Variants in LRMDA observed in about 807,000 individuals in gnomAD.
The protein encoded by LRMDA is leucine rich melanocyte differentiation associated.
In LRMDA, 18 loss-of-function variants were observed where a neutral mutation model predicts 29.8. The observed-to-expected ratio is 0.60, with a 90% CI of 0.42 to 0.90. The LOEUF (loss-of-function observed/expected upper bound fraction) is 0.90, where lower values mean the gene tolerates loss of function less well. Among genes scored for constraint, LRMDA ranks in the 40% least tolerant of loss-of-function variants. The pLI, the probability that LRMDA is intolerant of heterozygous loss-of-function variation, is 0.00. For missense variants in LRMDA, 273 were observed against 273.9 expected (o/e 1.00, Z 0.02); for synonymous variants, 125 against 109.4 (o/e 1.14, Z -0.89).
intron 5 of LRMDA, among the ~76,000 whole-genome samples, chr10:76,130,995 G>T (rs1849982640): frequency 6.6e-6 from 1 of 152,178 alleles, no homozygotes; most frequent in South Asian, 2.1e-4. Context: ...TGCAAGTGGA[G>T]TAATCTTCCA....
At chr10:75,966,303 T>C (rs967579431) in intron 2 of LRMDA, among the ~76,000 whole-genome samples, 5 of 152,224 alleles carry the variant, frequency 3.3e-5, no homozygotes, top group African/African-American at 1.2e-4. Context: ...TTAGGCAGGT[T>C]TCTTCATGAC....
At chr10:76,350,559 T>C (rs956362550) in intron 6 of LRMDA, among the ~76,000 whole-genome samples, 17 of 151,846 alleles carry the variant, frequency 1.1e-4, no homozygotes, top group African/African-American at 4.1e-4. Context: ...ATGGATAGCA[T>C]AGAAGAGGGA....
At chr10:75,766,504 G>C (rs766631907) in intron 2 of LRMDA, among the ~76,000 whole-genome samples, 3 of 152,242 alleles carry the variant, frequency 2.0e-5, no homozygotes, top group Non-Finnish European at 4.4e-5. Flanking sequence ...GCAATGAGAG[G>C]GATGTTTTTC....
chr10:76,049,699 T>C (rs922161472), intron 4 of LRMDA, among the ~76,000 whole-genome samples: 52 of 152,332 alleles, frequency 3.4e-4, no homozygotes, highest in African/African-American at 1.2e-3. Context: ...AATATGACTT[T>C]TGATTCTGGA....
intron 6 of LRMDA, among the ~76,000 whole-genome samples, chr10:76,410,382 C>T (rs780967496): frequency 3.0e-5 from 4 of 135,088 alleles, no homozygotes; most frequent in South Asian, 2.3e-4. Flanking sequence ...AACCATGGCT[C>T]GCTGCAGTAT....
At chr10:76,091,681 C>T (rs1328541067) in intron 5 of LRMDA, among the ~76,000 whole-genome samples, 2 of 151,986 alleles carry the variant, frequency 1.3e-5, no homozygotes, top group Non-Finnish European at 2.9e-5. Context: ...CTCCCTTCAT[C>T]CCCAAACTCC....
intron 2 of LRMDA, among the ~76,000 whole-genome samples, chr10:75,452,924 A>T (rs1844476660): frequency 6.6e-6 from 1 of 152,218 alleles, no homozygotes; most frequent in African/African-American, 2.4e-5. Context: ...TATACAAGAA[A>T]GCATTTAAAT....
At chr10:75,915,541 C>G (rs887144205) in intron 2 of LRMDA, among the ~76,000 whole-genome samples, 1 of 152,158 alleles carries the variant, frequency 6.6e-6, no homozygotes, top group Non-Finnish European at 1.5e-5. Flanking sequence ...AGTCTGGCCT[C>G]GTGTCTAACC....
At chr10:75,558,876 G>A (rs1177917060) in intron 2 of LRMDA, among the ~76,000 whole-genome samples, 2 of 131,304 alleles carry the variant, frequency 1.5e-5, no homozygotes, top group Non-Finnish European at 3.3e-5. Flanking sequence ...ATTTTTTATG[G>A]CTGCATAGTA....
intron 6 of LRMDA, among the ~76,000 whole-genome samples, chr10:76,371,306 G>A (rs1488682612): frequency 6.6e-6 from 1 of 152,154 alleles, no homozygotes; most frequent in Non-Finnish European, 1.5e-5. Context: ...TTGCAGTGGG[G>A]TTTTGGGTCA....
At chr10:76,322,111 C>T (rs1396603084) in intron 5 of LRMDA, among the ~76,000 whole-genome samples, 3 of 152,202 alleles carry the variant, frequency 2.0e-5, no homozygotes, top group African/African-American at 2.4e-5. Context: ...ACTCAATATA[C>T]GATGGGTGTA....
chr10:76,512,071 G>A (rs763200124), intron 6 of LRMDA, among the ~76,000 whole-genome samples: 4 of 152,022 alleles, frequency 2.6e-5, no homozygotes, highest in African/African-American at 9.7e-5. Flanking sequence ...GGATAGTTTC[G>A]CCCATACTGT....
At position 75,627,971 on chromosome 10, in the gene LRMDA, C is replaced by G. The variant is rs188636687; in HGVS notation, c.131+189477C>G. On this transcript the variant is annotated intron_variant, in intron 2 of 6. Transcript: ENST00000611255. The stretch of plus-strand genomic sequence containing the variant: ...CTGAGTGGGCAGGGATCCTGTCTGT[C>G]TTGGTCAACATATCTCCAGCATCCT... 1.4e-3 allele frequency among the ~76,000 whole-genome samples: 207 copies of G among 152,322 alleles called. 2 individuals are homozygous for G. The highest frequency in any genetic ancestry group is 5.0e-3 in the African/African-American group (207 of 41,576).
intron 2 of LRMDA, among the ~76,000 whole-genome samples, chr10:76,025,761 C>T (rs1432759505): frequency 6.6e-6 from 1 of 152,156 alleles, no homozygotes; most frequent in African/African-American, 2.4e-5. Flanking sequence ...AATTCATTTG[C>T]ATTGAGACTT....
intron 1 of LRMDA, among the ~76,000 whole-genome samples, chr10:75,435,688 A>G (rs1564770698): frequency 6.6e-6 from 1 of 152,158 alleles, no homozygotes; most frequent in Admixed American, 6.5e-5. Flanking sequence ...GTCTCATCAG[A>G]TGTTGTGAGT....
chr10:75,446,849 T>C (rs1486238386), intron 2 of LRMDA, among the ~76,000 whole-genome samples: 1 of 152,220 alleles, frequency 6.6e-6, no homozygotes, highest in African/African-American at 2.4e-5. Context: ...GGAGAGAAAA[T>C]TCCCCACCCA....
intron 5 of LRMDA, among the ~76,000 whole-genome samples, chr10:76,271,924 TGAAA>T (rs1271167947): frequency 6.6e-6 from 1 of 152,154 alleles, no homozygotes; most frequent in Admixed American, 6.5e-5. Context: ...CCTTGGGGAA[TGAAA>T]GAGTGAACCT....
intron 5 of LRMDA, among the ~76,000 whole-genome samples, chr10:76,150,263 C>T (rs1409305733): frequency 2.0e-5 from 3 of 152,226 alleles, no homozygotes; most frequent in Admixed American, 1.3e-4. Context: ...CACTCTGAGG[C>T]GTGGACAGGC....
chr10:76,080,373 G>A (rs568867413), intron 5 of LRMDA, among the ~76,000 whole-genome samples: 7 of 152,236 alleles, frequency 4.6e-5, no homozygotes, highest in African/African-American at 1.7e-4. Flanking sequence ...CCAAACTTAG[G>A]GATGGTCCTA....
Sources: allele counts gnomAD v4.1 joint callset (sites outside exome capture counted in the v4.1 genomes callset), GRCh38; gene constraint gnomAD v4.1.1; transcripts MANE v1.5; gene names NCBI Gene and HGNC (gene_info 2026-07-23, HGNC 2026-07-21).